The following C5orf52 variants were observed in gnomAD, a reference collection of about 807,000 sequenced individuals.
C5orf52 encodes uncharacterized protein C5orf52.
In C5orf52, 15 loss-of-function variants were observed where a neutral mutation model predicts 16.8. That is an observed-to-expected ratio of 0.89 (90% CI 0.60 to 1.38). The LOEUF (loss-of-function observed/expected upper bound fraction) is 1.38, where lower values mean the gene tolerates loss of function less well. C5orf52 is among the 40% of genes most tolerant of loss of function. C5orf52 has a pLI of 0.00. For synonymous variants in C5orf52, 83 were observed against 87.2 expected (o/e 0.95, Z 0.27); for missense variants, 206 against 213.1 (o/e 0.97, Z 0.21).
chr5:157,679,895 A>G lies in C5orf52; in HGVS notation c.376A>G (p.Lys126Glu), dbSNP rs765916278. The G allele has an allele frequency of 1.4e-5, 22 of 1,551,156 alleles. No individual in the cohort carries two copies. The African/African-American group carries it at 1.9e-4, about 14-fold the overall frequency. Residue 126 changes from lysine (K) to glutamate (E), a missense_variant, in exon 3 of 3, where the codon AAA becomes GAA. By Grantham distance (56) the Lys-to-Glu change is moderately conservative (BLOSUM62 1). Transcript: ENST00000409999. ...GATCAGCCACTACTATGAACACCTGAAAAAAAAGTTCATGACAGAGCAGCT... is the reference window on the plus strand; with the variant it reads ...GATCAGCCACTACTATGAACACCTGGAAAAAAAGTTCATGACAGAGCAGCT... The part of the protein sequence containing the change: ...KKISHYYEHL[K>E]KKFMTEQLRK...
upstream of C5orf52, chr5:157,671,330 C>G: frequency 4.2e-6 from 2 of 478,420 alleles, no homozygotes; most frequent in Non-Finnish European, 7.4e-6. Context: ...CTCAGCTCAC[C>G]GCACCCCACT....
chr5:157,678,399 C>A lies in C5orf52; in HGVS notation c.322-1442C>A, dbSNP rs187223207. Among the ~76,000 whole-genome samples the A allele has an allele frequency of 8.5e-4, 130 of 152,304 alleles. 2 individuals are homozygous for A. Among genetic ancestry groups the A allele is most frequent in the African/African-American group, 2.7e-3 (114 of 41,568 alleles). ...ACCCACCACATTGTTTCTACATGCC[C>A]CAAACCCTCCCATCCTTCAAAACCT... is the stretch of plus-strand genomic sequence containing the variant. On this transcript the variant is annotated intron_variant, in intron 2 of 2. Coordinates refer to ENST00000409999, the MANE Select transcript of C5orf52 (RefSeq NM_001145132.2).
At chr5:157,674,951 C>G (rs920626924) in intron 1 of C5orf52, 141 bp from the exon 2 acceptor site, 1 of 601,626 alleles carries the variant, frequency 1.7e-6, no homozygotes, top group South Asian at 2.1e-5. Flanking sequence ...CTCCCCTGTT[C>G]TTTTGAAAAT....
rs1262527546 is a variant in C5orf52 at position 157,680,045 on chromosome 5, G to A, written c.*46G>A. 1 of 1,531,690 alleles carries A rather than the reference G, an allele frequency of 6.5e-7. No homozygotes were observed. The highest frequency in any genetic ancestry group is 1.4e-5 in the African/African-American group (1 of 72,182). The allele number at this position is 1,531,690 out of a possible 1,614,324, so 94.9% of individuals were successfully genotyped here. Reference sequence around the variant, plus strand: ...GCCAACCACCCTAGTTCTGGCAAAGGGATCTGCCCCAGGGTCACGATGACA... The same window carrying A: ...GCCAACCACCCTAGTTCTGGCAAAGAGATCTGCCCCAGGGTCACGATGACA... On this transcript the variant is annotated 3_prime_UTR_variant, in exon 3 of 3. Transcript: ENST00000409999.
chr5:157,678,307 GATA>G (rs1759945268), intron 2 of C5orf52, among the ~76,000 whole-genome samples: 1 of 152,160 alleles, frequency 6.6e-6, no homozygotes, highest in African/African-American at 2.4e-5. Context: ...TAGGTCTTCA[GATA>G]ATGTTAGTGC....
intron 2 of C5orf52, among the ~76,000 whole-genome samples, chr5:157,677,799 C>T (rs542083312): frequency 1.3e-5 from 2 of 152,008 alleles, no homozygotes; most frequent in African/African-American, 4.8e-5. Flanking sequence ...GCCTGGCCAA[C>T]ATGGTGAAAC....
intron 2 of C5orf52, among the ~76,000 whole-genome samples, chr5:157,678,341 G>A (rs1759945758): frequency 6.6e-6 from 1 of 152,164 alleles, no homozygotes; most frequent in South Asian, 2.1e-4. Flanking sequence ...CCCCTGGAGG[G>A]CTTGTTAAAA....
At chr5:157,677,203 C>G (rs1759911804) in intron 2 of C5orf52, among the ~76,000 whole-genome samples, 1 of 152,128 alleles carries the variant, frequency 6.6e-6, no homozygotes, top group Admixed American at 6.6e-5. Flanking sequence ...AGGTAGAGGC[C>G]AGGGACACTG....
intron 1 of C5orf52, among the ~76,000 whole-genome samples, chr5:157,672,909 G>GCCT (rs1759824831): frequency 6.6e-6 from 1 of 151,882 alleles, no homozygotes; most frequent in African/African-American, 2.4e-5. Flanking sequence ...GCCTGCCTCT[G>GCCT]CCTCCCAAAG....
chr5:157,676,388 A>G (rs1039180893), intron 2 of C5orf52, among the ~76,000 whole-genome samples: 1 of 151,782 alleles, frequency 6.6e-6, no homozygotes, highest in African/African-American at 2.4e-5. Context: ...CTGCTTCTTG[A>G]CTCTTTTGAG....
chr5:157,674,069 C>T (rs1204861031), intron 1 of C5orf52, among the ~76,000 whole-genome samples: 1 of 152,100 alleles, frequency 6.6e-6, no homozygotes, highest in East Asian at 1.9e-4. Context: ...CACTTTTCAC[C>T]ATTTTCTCAT....
chr5:157,674,923 A>G (rs1759867799), intron 1 of C5orf52, among the ~76,000 whole-genome samples, 169 bp from the exon 2 acceptor site: 2 of 152,152 alleles, frequency 1.3e-5, no homozygotes, highest in Non-Finnish European at 2.9e-5. Flanking sequence ...CCTTTTCCAC[A>G]ACAAGAAACT....
chr5:157,679,871 A>T lies in C5orf52; in HGVS notation c.352A>T (p.Ile118Phe), dbSNP rs1269214210. ...VSALEKTKKK[I>F]SHYYEHLKKK... ...CGCTTTAGAGAAGACCAAGAAAAAG[A>T]TCAGCCACTACTATGAACACCTGAA... The change falls in exon 3 of 3, where the codon ATC (isoleucine) becomes TTC (phenylalanine). Residue 118 changes from isoleucine (I) to phenylalanine (F), a missense_variant. Physicochemically the swap from Ile to Phe is conservative, Grantham distance 21. Coordinates refer to ENST00000409999, the MANE Select transcript of C5orf52 (RefSeq NM_001145132.2). 1 of 1,551,460 alleles carries T rather than the reference A, an allele frequency of 6.4e-7. No homozygotes were observed. The highest frequency in any genetic ancestry group is 1.4e-5 in the African/African-American group (1 of 73,086).
intron 2 of C5orf52, among the ~76,000 whole-genome samples, chr5:157,678,398 C>G (rs908983700): frequency 2.0e-5 from 3 of 152,172 alleles, no homozygotes. Context: ...TTCTACATGC[C>G]CCAAACCCTC....
At chr5:157,678,867 G>T (rs1192446635) in intron 2 of C5orf52, among the ~76,000 whole-genome samples, 1 of 151,856 alleles carries the variant, frequency 6.6e-6, no homozygotes. Context: ...GGGCACGGTG[G>T]TTCATGCCTG....
intron 2 of C5orf52, among the ~76,000 whole-genome samples, chr5:157,675,423 A>T (rs1368566565): frequency 6.6e-6 from 1 of 152,154 alleles, no homozygotes; most frequent in Non-Finnish European, 1.5e-5. Flanking sequence ...GAAAGACTCC[A>T]TGTCTCTTGG....
At chr5:157,675,232 G>A in intron 2 of C5orf52, 32 bp downstream of exon 2, 2 of 1,284,762 alleles carry the variant, frequency 1.6e-6, no homozygotes, top group East Asian at 5.0e-5. Context: ...GCATTAGAGG[G>A]TGTTAGTGGC....
chr5:157,675,054 C>T (rs776371736), intron 1 of C5orf52, 38 bp from the exon 2 acceptor site: 58 of 1,395,378 alleles, frequency 4.2e-5, no homozygotes, highest in Non-Finnish European at 2.7e-5. Flanking sequence ...AGGCCCCAAC[C>T]GTCTGTAACC....
chr5:157,679,484 C>T (rs993789223), intron 2 of C5orf52, among the ~76,000 whole-genome samples: 6 of 152,066 alleles, frequency 3.9e-5, no homozygotes, highest in African/African-American at 1.4e-4. Flanking sequence ...TTACAGGTGC[C>T]TACCACCATG....
Sources: allele counts gnomAD v4.1 joint callset (sites outside exome capture counted in the v4.1 genomes callset), GRCh38; gene constraint gnomAD v4.1.1; transcripts MANE v1.5; gene names NCBI Gene and HGNC (gene_info 2026-07-23, HGNC 2026-07-21).